The following DCC variants were observed in gnomAD, a reference collection of about 807,000 sequenced individuals.
DCC encodes the protein netrin receptor DCC.
Under a neutral mutation model 172.5 loss-of-function variants are expected in DCC, and 58 were observed. That is an observed-to-expected ratio of 0.34 (90% CI 0.27 to 0.42). The LOEUF is 0.42. Ranked by LOEUF, DCC falls within the 10% of genes least tolerant of loss-of-function variation. The pLI, the probability that DCC is intolerant of heterozygous loss-of-function variation, is 1.00. For missense variants in DCC, 1,740 were observed against 1,791.0 expected (o/e 0.97, Z 0.51); for synonymous variants, 709 against 644.5 (o/e 1.10, Z -1.52).
At chr18:52,922,866 T>C (rs889295915) in intron 3 of DCC, among the ~76,000 whole-genome samples, 2 of 152,152 alleles carry the variant, frequency 1.3e-5, no homozygotes, top group African/African-American at 2.4e-5. Flanking sequence ...CTTAGAACTT[T>C]GTGAATTTTT....
intron 2 of DCC, among the ~76,000 whole-genome samples, chr18:52,867,662 A>G (rs1241117963): frequency 6.6e-6 from 1 of 151,914 alleles, no homozygotes; most frequent in Non-Finnish European, 1.5e-5. Flanking sequence ...TTTCTAGTTT[A>G]TTTGCGTAGA....
intron 8 of DCC, among the ~76,000 whole-genome samples, chr18:53,162,173 C>A (rs1204120419): frequency 6.6e-6 from 1 of 151,848 alleles, no homozygotes; most frequent in Non-Finnish European, 1.5e-5. Context: ...GTGGCACGCA[C>A]CTGTAATCCT....
chr18:53,030,600 T>C (rs142791415), intron 5 of DCC, among the ~76,000 whole-genome samples: 1 of 152,246 alleles, frequency 6.6e-6, no homozygotes, highest in Non-Finnish European at 1.5e-5. Flanking sequence ...AACCAGAGGC[T>C]ATGCTGTAAC....
At chr18:52,888,728 C>T (rs1464677226) in intron 2 of DCC, among the ~76,000 whole-genome samples, 1 of 151,786 alleles carries the variant, frequency 6.6e-6, no homozygotes, top group Non-Finnish European at 1.5e-5. Flanking sequence ...ATTGCTTTTC[C>T]CAATGAATTC....
chr18:53,149,651 C>T (rs2043969727), intron 7 of DCC, among the ~76,000 whole-genome samples: 1 of 152,148 alleles, frequency 6.6e-6, no homozygotes, highest in African/African-American at 2.4e-5. Flanking sequence ...TTTTTACATA[C>T]CTACAATGTG....
intron 1 of DCC, among the ~76,000 whole-genome samples, chr18:52,683,586 T>C (rs1021988503): frequency 1.3e-5 from 2 of 152,100 alleles, no homozygotes; most frequent in Non-Finnish European, 2.9e-5. Context: ...AATGCTAAGT[T>C]TAGGTACAGA....
In DCC at chr18:53,026,292, A is replaced by G. The variant is rs1428360005; in HGVS notation, c.986-37013A>G. Among the ~76,000 whole-genome samples, 5 of 152,220 alleles carry G rather than the reference A, an allele frequency of 3.3e-5. No individual in the cohort carries two copies. In the East Asian group the frequency reaches 9.7e-4, roughly 29 times the overall value. Reference sequence around the variant, plus strand: ...GTACAATGTTGTTTCTTTCTTTTCTAATATGTAATGATCTCTCTTTATTTG... The same window carrying G: ...GTACAATGTTGTTTCTTTCTTTTCTGATATGTAATGATCTCTCTTTATTTG... On this transcript the variant is annotated intron_variant, in intron 5 of 28. Transcript: ENST00000442544.
At chr18:53,034,561 A>G (rs1191388430) in intron 5 of DCC, among the ~76,000 whole-genome samples, 1 of 151,818 alleles carries the variant, frequency 6.6e-6, no homozygotes, top group East Asian at 2.0e-4. Flanking sequence ...AACTACCATT[A>G]TGTCTCCCCT....
intron 7 of DCC, among the ~76,000 whole-genome samples, chr18:53,100,530 G>C (rs2043157226): frequency 6.6e-6 from 1 of 151,900 alleles, no homozygotes; most frequent in Non-Finnish European, 1.5e-5. Flanking sequence ...TAGGTACAAG[G>C]GAGGGAGGGA....
At chr18:53,432,820 G>A (rs1911708172) in intron 21 of DCC, among the ~76,000 whole-genome samples, 5 of 151,876 alleles carry the variant, frequency 3.3e-5, no homozygotes, top group Admixed American at 2.6e-4. Flanking sequence ...TTCAGAGAAT[G>A]GAAACTTAAC....
At chr18:53,253,667 T>A (rs2056469890) in intron 12 of DCC, among the ~76,000 whole-genome samples, 1 of 152,112 alleles carries the variant, frequency 6.6e-6, no homozygotes, top group African/African-American at 2.4e-5. Flanking sequence ...TTGTTTCTAT[T>A]TTTAAATGGA....
chr18:53,503,628 GT>G (rs1598816615), intron 27 of DCC, among the ~76,000 whole-genome samples: 1 of 152,074 alleles, frequency 6.6e-6, no homozygotes, highest in Non-Finnish European at 1.5e-5. Context: ...GGGTGTGTGG[GT>G]TTTTTTCTTC....
intron 22 of DCC, among the ~76,000 whole-genome samples, chr18:53,447,629 G>C (rs1483894745): frequency 6.6e-6 from 1 of 152,126 alleles, no homozygotes; most frequent in East Asian, 1.9e-4. Context: ...TTCAAGCTAA[G>C]TTTGTCAGAA....
intron 26 of DCC, 106 bp downstream of exon 26, chr18:53,487,064 C>G (rs114396939): frequency 2.8e-6 from 4 of 1,420,524 alleles, no homozygotes; most frequent in Non-Finnish European, 3.9e-6. Context: ...GTTGATTTCC[C>G]TATGACTGTG....
At chr18:53,067,852 A>G (rs1183202275) in intron 7 of DCC, among the ~76,000 whole-genome samples, 3 of 152,220 alleles carry the variant, frequency 2.0e-5, no homozygotes, top group African/African-American at 7.2e-5. Flanking sequence ...TAGGAAAAGC[A>G]TATAAGACAT....
At chr18:53,035,675 C>G (rs541397661) in intron 5 of DCC, among the ~76,000 whole-genome samples, 3 of 152,146 alleles carry the variant, frequency 2.0e-5, no homozygotes, top group Admixed American at 1.3e-4. Context: ...CCTAAATGAA[C>G]GCAGCAGGGG....
In DCC at chr18:52,460,191, G is replaced by A. The variant is rs187131156; in HGVS notation, c.91+119313G>A. Among the ~76,000 whole-genome samples the A allele has an allele frequency of 6.6e-4, 100 of 152,122 alleles. 1 individual carries two copies. Among genetic ancestry groups the A allele is most frequent in the Non-Finnish European group, 1.2e-3 (81 of 67,988 alleles). On this transcript the variant is annotated intron_variant, in intron 1 of 28. Transcript: ENST00000442544. ...ATATCAAAACTTACTTTAAAAGTTT[G>A]TCATACTGTTTCTAACTCATTTCTT...
intron 1 of DCC, among the ~76,000 whole-genome samples, chr18:52,432,727 G>T (rs1197779322): frequency 6.6e-6 from 1 of 152,130 alleles, no homozygotes; most frequent in Non-Finnish European, 1.5e-5. Flanking sequence ...TGGACATTGC[G>T]ATTAAATACA....
At chr18:53,024,707 T>C (rs2041932789) in intron 5 of DCC, among the ~76,000 whole-genome samples, 1 of 152,180 alleles carries the variant, frequency 6.6e-6, no homozygotes, top group African/African-American at 2.4e-5. Context: ...AACATTCTAA[T>C]TACCAATTCA....
Sources: gnomAD v4.1 joint callset for allele counts (sites outside exome capture counted in the v4.1 genomes callset) on GRCh38, gnomAD v4.1.1 for gene constraint, MANE v1.5 for transcripts, NCBI Gene and HGNC (gene_info 2026-07-23, HGNC 2026-07-21) for gene names.